Variants in CIMIP2B observed in about 807,000 individuals in gnomAD.
CIMIP2B encodes ciliary microtubule inner protein 2B.
At chr9:35,562,800 G>A in the CIMIP2B span, 2 of 1,607,348 alleles carry the variant, frequency 1.2e-6, no homozygotes, top group South Asian at 1.1e-5. Context: ...TACTCATGCT[G>A]CCCCCACTGC....
the CIMIP2B span, chr9:35,561,939 ACCTCTCTCCCTTC>A: frequency 5.7e-6 from 1 of 174,408 alleles, no homozygotes; most frequent in Non-Finnish European, 1.1e-5. Flanking sequence ...CCTCCCACCC[ACCTCTCTCCCTTC>A]CAAAAGGATG....
At chr9:35,562,245 GATA>G in the CIMIP2B span, 135 of 1,049,798 alleles carry the variant, frequency 1.3e-4, no homozygotes, top group Middle Eastern at 8.7e-4. Context: ...TTTTCTGCCT[GATA>G]ATAAAGCTGA....
the CIMIP2B span, chr9:35,562,713 C>A: frequency 2.1e-5 from 34 of 1,613,450 alleles, no homozygotes; most frequent in African/African-American, 4.5e-4. Context: ...GTGAGAGAAG[C>A]CCCTGTGCTG....
chr9:35,563,774 TATA>T, the CIMIP2B span: 1 of 1,613,804 alleles, frequency 6.2e-7, no homozygotes, highest in East Asian at 2.2e-5. Context: ...TACCCTGGGA[TATA>T]ATGAGGGTTC....
At chr9:35,563,465 A>G in the CIMIP2B span, 1 of 1,155,846 alleles carries the variant, frequency 8.7e-7, no homozygotes, top group South Asian at 1.3e-5. Flanking sequence ...AGACCTCTGA[A>G]GCCCTGATCT....
chr9:35,563,316 G>T, the CIMIP2B span: 1 of 1,613,942 alleles, frequency 6.2e-7, no homozygotes, highest in Non-Finnish European at 8.5e-7. Context: ...GGAGGGCCTC[G>T]AAGTAGCTGA....
At chr9:35,562,514 G>A in the CIMIP2B span, 3 of 1,576,336 alleles carry the variant, frequency 1.9e-6, no homozygotes, top group Non-Finnish European at 2.6e-6. Flanking sequence ...TGCCTGGTTG[G>A]TGAGCACAGG....
At chr9:35,561,862 T>C in the CIMIP2B span, 1 of 664,172 alleles carries the variant, frequency 1.5e-6, no homozygotes, top group South Asian at 1.7e-5. Flanking sequence ...TTATTTATTA[T>C]ACCTATTAAT....
the CIMIP2B span, chr9:35,562,496 TC>T: frequency 6.3e-7 from 1 of 1,579,822 alleles, no homozygotes; most frequent in Middle Eastern, 1.7e-4. Flanking sequence ...CTGCCCAAAT[TC>T]CTGCAGTGCC....
the CIMIP2B span, chr9:35,563,439 C>T: frequency 7.0e-7 from 1 of 1,427,080 alleles, no homozygotes; most frequent in Non-Finnish European, 9.7e-7. Context: ...CCCGCCATCC[C>T]CAGAGGCAGA....
the CIMIP2B span, chr9:35,563,824 GC>G: frequency 6.2e-7 from 1 of 1,613,960 alleles, no homozygotes; most frequent in East Asian, 2.2e-5. Context: ...GCTGGCCACA[GC>G]CATGGGGAGC....
chr9:35,561,927 ACCCTCCCACCCACCTCTCT>A, the CIMIP2B span: 1 of 192,554 alleles, frequency 5.2e-6, no homozygotes, highest in African/African-American at 5.5e-5. Context: ...CCACCCTCCC[ACCCTCCCACCCACCTCTCT>A]CCCTTCCAAA....
chr9:35,562,046 A>G, the CIMIP2B span: 1 of 1,535,688 alleles, frequency 6.5e-7, no homozygotes, highest in Non-Finnish European at 8.7e-7. Context: ...TGAGGCCCAG[A>G]GCATCATGGG....
At chr9:35,561,941 C>A in the CIMIP2B span, 1 of 646,904 alleles carries the variant, frequency 1.5e-6, no homozygotes. Flanking sequence ...TCCCACCCAC[C>A]TCTCTCCCTT....
chr9:35,562,592 G>A, the CIMIP2B span: 1 of 1,607,770 alleles, frequency 6.2e-7, no homozygotes, highest in South Asian at 1.1e-5. Flanking sequence ...TGGGGACACT[G>A]AGCCAAGGCA....
the CIMIP2B span, chr9:35,562,350 C>A: frequency 7.0e-7 from 1 of 1,431,864 alleles, no homozygotes; most frequent in Non-Finnish European, 9.3e-7. Context: ...ACATTCCAGT[C>A]CCCAAAGCCT....
the CIMIP2B span, chr9:35,562,287 A>ATTAGT: frequency 1.7e-6 from 2 of 1,150,920 alleles, no homozygotes; most frequent in Non-Finnish European, 1.2e-6. Context: ...TCCCATATCT[A>ATTAGT]TTAGTTTCAA....
chr9:35,562,333 C>T, the CIMIP2B span: 6 of 408,376 alleles, frequency 1.5e-5, no homozygotes, highest in East Asian at 2.5e-4. Flanking sequence ...CATACCCATA[C>T]AAACAAACAT....
chr9:35,563,767 C>G, the CIMIP2B span: 1 of 1,613,718 alleles, frequency 6.2e-7, no homozygotes, highest in East Asian at 2.2e-5. Flanking sequence ...GGAGTCTTAC[C>G]CTGGGATATA....
Sources: allele counts gnomAD v4.1 joint callset, GRCh38; gene constraint gnomAD v4.1.1; transcripts MANE v1.5; gene names NCBI Gene and HGNC (gene_info 2026-07-23, HGNC 2026-07-21).